The following NFATC1 variants were observed in gnomAD, a reference collection of about 807,000 sequenced individuals.
NFATC1 encodes nuclear factor of activated T cells 1.
NFATC1 carries 22 observed loss-of-function variants against 76.0 expected under a neutral mutation model. That is an observed-to-expected ratio of 0.29 (90% CI 0.21 to 0.41). NFATC1 has a LOEUF of 0.41. Among genes scored for constraint, NFATC1 ranks in the 10% least tolerant of loss-of-function variants. The probability of loss-of-function intolerance (pLI) is 1.00; values close to 1 mark genes in which losing one functional copy is unlikely to be tolerated. For synonymous variants in NFATC1, 704 were observed against 613.1 expected, an observed-to-expected ratio of 1.15 and a Z score of -2.19; for missense variants, 1,357 against 1,337.7, an observed-to-expected ratio of 1.01 and a Z score of -0.23.
At chr18:79,464,778 T>G (rs2088380912) in intron 7 of NFATC1, among the ~76,000 whole-genome samples, 1 of 149,786 alleles carries the variant, frequency 6.7e-6, no homozygotes, top group African/African-American at 2.5e-5. Context: ...TGATCATGGC[T>G]CACTGCAGCC....
At chr18:79,522,679 C>T (rs1460740422) in intron 9 of NFATC1, among the ~76,000 whole-genome samples, 1 of 152,114 alleles carries the variant, frequency 6.6e-6, no homozygotes, top group African/African-American at 2.4e-5. Context: ...GAGCACCCTG[C>T]AGGTGAAACA....
chr18:79,418,193 G>A (rs2085945407), intron 2 of NFATC1, among the ~76,000 whole-genome samples: 1 of 152,162 alleles, frequency 6.6e-6, no homozygotes, highest in Admixed American at 6.5e-5. Context: ...GTTTCGTTGT[G>A]TGATGGCAGG....
chr18:79,512,904 G>A (rs2090292289), intron 9 of NFATC1, among the ~76,000 whole-genome samples: 1 of 152,246 alleles, frequency 6.6e-6, no homozygotes, highest in Admixed American at 6.5e-5. Context: ...GTGGGGTGCT[G>A]CCTGCAGGGA....
intron 6 of NFATC1, among the ~76,000 whole-genome samples, chr18:79,455,009 G>A (rs565365041): frequency 2.6e-5 from 4 of 152,294 alleles, no homozygotes; most frequent in South Asian, 4.1e-4. Context: ...CAACATAAAC[G>A]AAACGCCCGA....
chr18:79,402,509 C>A, intron 1 of NFATC1: 1 of 583,766 alleles, frequency 1.7e-6, no homozygotes, highest in Non-Finnish European at 2.2e-6. Context: ...GCGCCCTTCC[C>A]CGGGAGCCCC....
chr18:79,427,887 T>TGGGGGGCGGGG (rs1189710539), intron 2 of NFATC1, among the ~76,000 whole-genome samples: 1 of 94,648 alleles, frequency 1.1e-5, no homozygotes, highest in Non-Finnish European at 2.0e-5. Context: ...CTCTGTGCAG[T>TGGGGGGCGGGG]GAGTCGGGGA....
intron 8 of NFATC1, among the ~76,000 whole-genome samples, chr18:79,483,937 C>T (rs2089417658): frequency 6.9e-6 from 1 of 145,980 alleles, no homozygotes; most frequent in African/African-American, 2.6e-5. Flanking sequence ...CCAGCGTGAC[C>T]TGGTTCCTGG....
intron 8 of NFATC1, among the ~76,000 whole-genome samples, chr18:79,478,393 G>A (rs1213997042): frequency 6.6e-6 from 1 of 152,014 alleles, no homozygotes; most frequent in African/African-American, 2.4e-5. Context: ...GGAGGATGTG[G>A]TCCGGGCCAT....
chr18:79,490,767 G>A (rs1051323636), intron 9 of NFATC1, among the ~76,000 whole-genome samples: 2 of 152,154 alleles, frequency 1.3e-5, no homozygotes, highest in African/African-American at 4.8e-5. Context: ...AACATGGCCG[G>A]GAAGGGTCCC....
At chr18:79,464,335 TC>T (rs1423972304) in intron 7 of NFATC1, among the ~76,000 whole-genome samples, 1 of 149,952 alleles carries the variant, frequency 6.7e-6, no homozygotes, top group Non-Finnish European at 1.5e-5. Flanking sequence ...CCTCAGGTGA[TC>T]CGCCCACCGT....
chr18:79,512,288 A>G (rs1202429914), intron 9 of NFATC1, among the ~76,000 whole-genome samples: 1 of 152,130 alleles, frequency 6.6e-6, no homozygotes, highest in Non-Finnish European at 1.5e-5. Context: ...AGGTAAATAA[A>G]CGGAAAAGCG....
rs776721713 is a variant in NFATC1 at position 79,410,878 on chromosome 18, G to T, written c.603G>T (p.Gln201His). Residue 201 changes from glutamine (Q) to histidine (H), a missense_variant, in exon 2 of 10, where the codon CAG becomes CAT. Gln to His is a conservative substitution (Grantham distance 24, BLOSUM62 0). Around this residue, in one of 3 missense-constraint regions of NFATC1, gnomAD observed 691 missense variants for 613.1 expected, o/e 1.13. Coordinates refer to ENST00000427363, the MANE Select transcript of NFATC1 (RefSeq NM_001278669.2). This position sits in a 1 kb window ranked among gnomAD's most constrained non-coding sequence, Gnocchi z 6.7. ...SNYSYPYASP[Q>H]TSPWQSPCVS... ...ACTCGTACCCGTACGCGTCCCCCCA[G>T]ACGTCGCCATGGCAGTCTCCCTGCG... 1 of 1,609,280 alleles carries T rather than the reference G, an allele frequency of 6.2e-7. No individual in the cohort carries two copies. Among genetic ancestry groups the T allele is most frequent in the Non-Finnish European group, 8.5e-7 (1 of 1,178,730 alleles).
intron 9 of NFATC1, among the ~76,000 whole-genome samples, chr18:79,488,474 C>T (rs1275842299): frequency 4.6e-5 from 7 of 151,592 alleles, no homozygotes; most frequent in African/African-American, 1.7e-4. Flanking sequence ...GTGGCTGCCC[C>T]CTGGCCACTC....
At chr18:79,480,008 A>G (rs1481563439) in intron 8 of NFATC1, among the ~76,000 whole-genome samples, 1 of 152,188 alleles carries the variant, frequency 6.6e-6, no homozygotes, top group Non-Finnish European at 1.5e-5. Context: ...AGGGAGGGGC[A>G]CTGTGGCAGG....
Position 79,486,475 on chromosome 18 carries a change from G to A in NFATC1, c.2320G>A (p.Ala774Thr), listed in dbSNP as rs200898942. Residue 774 changes from alanine to threonine, a missense_variant, in exon 9 of 10, where the codon GCT becomes ACT. Physicochemically the swap from Ala to Thr is moderately conservative, Grantham distance 58 (BLOSUM62 0). Transcript: ENST00000427363. Reference protein sequence around the residue: ...VSPKLHDLSPAAYTKGVASPG... With the variant: ...VSPKLHDLSPTAYTKGVASPG... The stretch of plus-strand genomic sequence containing the variant: ...CCCCAAGCTCCACGACCTTTCTCCC[G>A]CTGCCTACACCAAGGGCGTTGCCAG... 185 of 1,608,764 alleles carry A rather than the reference G, an allele frequency of 1.1e-4. 1 individual carries two copies. Among genetic ancestry groups the A allele is most frequent in the East Asian group, 8.3e-4 (37 of 44,838 alleles).
Position 79,486,838 on chromosome 18 carries a change from C to G in NFATC1, c.2683C>G (p.Leu895Val). ...GTCTCCGACTGCCGGGCCACGGCTG[C>G]TGCCAGAGGTGCATGAGGACGGTAG... is the stretch of plus-strand genomic sequence containing the variant. The part of the protein sequence containing the change: ...DESPTAGPRL[L>V]PEVHEDGSPN... Residue 895 changes from leucine (L) to valine (V), a missense_variant, in exon 9 of 10, where the codon CTG (leucine) becomes GTG (valine). Transcript: ENST00000427363. 1 of 1,611,918 alleles carries G rather than the reference C, an allele frequency of 6.2e-7. No homozygotes were observed. The highest frequency in any genetic ancestry group is 8.5e-7 in the Non-Finnish European group (1 of 1,179,554).
intron 6 of NFATC1, among the ~76,000 whole-genome samples, chr18:79,453,358 G>A (rs1181100718): frequency 6.6e-6 from 1 of 152,252 alleles, no homozygotes. Context: ...AGGTGCCCCA[G>A]CTCCTGCCCT....
At position 79,486,779 on chromosome 18, in the gene NFATC1, C is replaced by A. The variant is rs199800288; in HGVS notation, c.2624C>A (p.Pro875Gln). ...SPACPPATGR[P>Q]QHLPSTVRRD... is the part of the protein sequence containing the mutation. ...GCGTGCCCGCCCGCCACGGGCCGCC[C>A]GCAGCACCTGCCGTCCACGGTCCGC... Residue 875 changes from proline (P) to glutamine (Q), a missense_variant, in exon 9 of 10, where the codon CCG (proline) becomes CAG (glutamine). This residue lies in a region of NFATC1 where 424 missense variants were observed against 395.4 expected (regional missense o/e 1.07). Coordinates refer to ENST00000427363, the MANE Select transcript of NFATC1 (RefSeq NM_001278669.2). 64 of 1,608,540 alleles carry A rather than the reference C, an allele frequency of 4.0e-5. No individual in the cohort carries two copies. In the South Asian group the frequency reaches 6.2e-4, roughly 15 times the overall value.
intron 1 of NFATC1, among the ~76,000 whole-genome samples, chr18:79,399,981 T>G (rs963363747): frequency 1.3e-5 from 2 of 148,966 alleles, no homozygotes; most frequent in African/African-American, 5.0e-5. Context: ...AAAAAAAAAC[T>G]TAAAAAAAAA....
Sources: allele counts gnomAD v4.1 joint callset (sites outside exome capture counted in the v4.1 genomes callset), GRCh38; gene constraint gnomAD v4.1.1; regional missense constraint gnomAD v4.1.1; non-coding constraint Gnocchi (gnomAD v3.1); transcripts MANE v1.5; gene names NCBI Gene and HGNC (gene_info 2026-07-23, HGNC 2026-07-21).